The following PPARGC1B variants were observed in gnomAD, a reference collection of about 807,000 sequenced individuals.
PPARGC1B encodes the protein PPARG coactivator 1 beta.
Under a neutral mutation model 101.6 loss-of-function variants are expected in PPARGC1B, and 34 were observed. That is an observed-to-expected ratio of 0.33 (90% CI 0.25 to 0.45). The LOEUF is 0.45. PPARGC1B is among the 20% of genes least tolerant of loss of function. The pLI, the probability that PPARGC1B is intolerant of heterozygous loss-of-function variation, is 1.00. For synonymous variants in PPARGC1B, 548 were observed against 539.3 expected (o/e 1.02, Z -0.22); for missense variants, 1,234 against 1,317.6 (o/e 0.94, Z 0.98).
At chr5:149,805,516 T>G (rs996168778) in intron 1 of PPARGC1B, among the ~76,000 whole-genome samples, 1 of 152,180 alleles carries the variant, frequency 6.6e-6, no homozygotes, top group Non-Finnish European at 1.5e-5. Context: ...CTCGGCTCAC[T>G]GCAACCTCTG....
intron 11 of PPARGC1B, 140 bp from the exon 12 acceptor site, chr5:149,847,318 C>T (rs764176043): frequency 3.1e-5 from 24 of 781,188 alleles, no homozygotes; most frequent in South Asian, 1.8e-4. Context: ...CACAGTCCAG[C>T]GCTCATCCCA....
At position 149,823,910 on chromosome 5, in the gene PPARGC1B, T is replaced by G. The variant is rs79906450; in HGVS notation, c.253-2763T>G. ...AAGTCAGTGTTGGCTCTCTAAGTCC[T>G]GGGTTCTAGTCCTTAGTCCTACCCC... On this transcript the variant is annotated intron_variant, in intron 2 of 11. Transcript: ENST00000309241. Among the ~76,000 whole-genome samples, 1,330 of 152,332 alleles carry G rather than the reference T, an allele frequency of 8.7e-3. 18 individuals carry two copies. The highest frequency in any genetic ancestry group is 0.03 in the African/African-American group (1,237 of 41,556).
chr5:149,827,895 T>C (rs1206091800), intron 3 of PPARGC1B, among the ~76,000 whole-genome samples: 1 of 152,208 alleles, frequency 6.6e-6, no homozygotes, highest in East Asian at 1.9e-4. Context: ...CTAGCTTTGC[T>C]CAGCCTGTCT....
chr5:149,744,308 A>G (rs978665223), intron 1 of PPARGC1B, among the ~76,000 whole-genome samples: 2 of 152,230 alleles, frequency 1.3e-5, no homozygotes, highest in African/African-American at 4.8e-5. Flanking sequence ...GAGAAGCAGC[A>G]CATTGGTTCT....
intron 1 of PPARGC1B, among the ~76,000 whole-genome samples, chr5:149,749,119 C>G (rs1016805428): frequency 6.6e-6 from 1 of 152,104 alleles, no homozygotes; most frequent in Non-Finnish European, 1.5e-5. Flanking sequence ...CTCAATACAG[C>G]AGGAATCGGT....
intron 1 of PPARGC1B, among the ~76,000 whole-genome samples, chr5:149,789,780 C>A (rs1286320416): frequency 6.6e-6 from 1 of 152,222 alleles, no homozygotes; most frequent in Non-Finnish European, 1.5e-5. Context: ...GTGCCATGCA[C>A]CTGAAAGGGA....
At chr5:149,830,929 G>T in intron 4 of PPARGC1B, 46 bp downstream of exon 4, 1 of 1,348,956 alleles carries the variant, frequency 7.4e-7, no homozygotes, top group South Asian at 1.2e-5. Flanking sequence ...GTCTGTTGGG[G>T]CTGCAGCCTT....
chr5:149,847,169 A>G (rs879205396), intron 11 of PPARGC1B: 3 of 523,382 alleles, frequency 5.7e-6, no homozygotes, highest in Non-Finnish European at 1.1e-5. Context: ...TGTTGGGGGA[A>G]GTAGAGTTGT....
chr5:149,836,501 G>T lies in PPARGC1B; in HGVS notation c.2046G>T (p.Lys682Asn), dbSNP rs777376556. 2 of 1,614,102 alleles carry T rather than the reference G, an allele frequency of 1.2e-6. No homozygotes were observed. The highest frequency in any genetic ancestry group is 1.7e-6 in the Non-Finnish European group (2 of 1,180,046). ...TAQPASQAGQ[K>N]RPFSCSFGDH... ...AGCCAGCCTCCCAGGCTGGCCAGAA[G>T]CGTCCCTTCTCCTGTTCCTTTGGAG... Residue 682 changes from lysine to asparagine, a missense_variant, in exon 8 of 12, where the codon AAG becomes AAT. Lys to Asn is a moderately conservative substitution (Grantham distance 94). This residue lies in a region of PPARGC1B where 497 missense variants were observed against 529.5 expected (regional missense o/e 0.94). Transcript: ENST00000309241.
chr5:149,805,227 C>A (rs988126100), intron 1 of PPARGC1B, among the ~76,000 whole-genome samples: 8 of 152,292 alleles, frequency 5.3e-5, no homozygotes, highest in African/African-American at 1.9e-4. Context: ...TGCTCAGACA[C>A]CCTGAGTGGT....
intron 1 of PPARGC1B, among the ~76,000 whole-genome samples, chr5:149,803,340 G>C (rs1279581081): frequency 6.6e-6 from 1 of 152,086 alleles, no homozygotes; most frequent in Non-Finnish European, 1.5e-5. Context: ...TTCCCTCTCT[G>C]AACCTCAGCT....
intron 1 of PPARGC1B, among the ~76,000 whole-genome samples, chr5:149,745,796 C>A (rs567234636): frequency 1.5e-4 from 23 of 152,232 alleles, no homozygotes; most frequent in African/African-American, 5.5e-4. Context: ...TTCAAATATT[C>A]GTCTTGGTCC....
At chr5:149,802,698 G>T (rs1055905961) in intron 1 of PPARGC1B, among the ~76,000 whole-genome samples, 1 of 151,604 alleles carries the variant, frequency 6.6e-6, no homozygotes, top group Non-Finnish European at 1.5e-5. Context: ...GGCAGCTGGG[G>T]CTGGGAGGAC....
chr5:149,750,347 C>T (rs1755240568), intron 1 of PPARGC1B, among the ~76,000 whole-genome samples: 1 of 151,234 alleles, frequency 6.6e-6, no homozygotes, highest in Non-Finnish European at 1.5e-5. Context: ...ATGATATCTA[C>T]AATAATTTCT....
chr5:149,802,109 C>T (rs1218941530), intron 1 of PPARGC1B, among the ~76,000 whole-genome samples: 1 of 152,200 alleles, frequency 6.6e-6, no homozygotes, highest in Non-Finnish European at 1.5e-5. Flanking sequence ...TTCTCCAGTT[C>T]ACTTTGACCC....
At position 149,849,564 on chromosome 5, in the gene PPARGC1B, T is replaced by A. The variant is rs1030213943; in HGVS notation, c.*2006T>A. 2.0e-5 allele frequency: 3 copies of A among 152,250 alleles called. No homozygotes were observed. 9.4% of individuals were successfully genotyped at this position (152,250 alleles called of 1,614,324 possible). ...GAGCCTGGATGTGCTATAAGAATCC[T>A]GAAATCAGTGCTCTGGTAAGTCATT... On this transcript the variant is annotated 3_prime_UTR_variant, in exon 12 of 12. Coordinates refer to ENST00000309241, the MANE Select transcript of PPARGC1B (RefSeq NM_133263.4).
At chr5:149,777,003 G>A (rs990835246) in intron 1 of PPARGC1B, among the ~76,000 whole-genome samples, 1 of 152,174 alleles carries the variant, frequency 6.6e-6, no homozygotes, top group Admixed American at 6.5e-5. Context: ...TCATGTCCTT[G>A]TGGGGAGCCC....
intron 1 of PPARGC1B, among the ~76,000 whole-genome samples, chr5:149,734,196 C>T (rs896254892): frequency 2.0e-5 from 3 of 148,506 alleles, no homozygotes; most frequent in African/African-American, 7.9e-5. Flanking sequence ...GTGACACACA[C>T]CTGTAATCCC....
chr5:149,788,535 A>G (rs772899071), intron 1 of PPARGC1B, among the ~76,000 whole-genome samples: 1 of 152,272 alleles, frequency 6.6e-6, no homozygotes, highest in Non-Finnish European at 1.5e-5. Flanking sequence ...TTAAGGATCT[A>G]GAACTAGAAA....
Sources: gnomAD v4.1 joint callset for allele counts (sites outside exome capture counted in the v4.1 genomes callset) on GRCh38, gnomAD v4.1.1 for gene constraint, gnomAD v4.1.1 regional missense constraint, MANE v1.5 for transcripts, NCBI Gene and HGNC (gene_info 2026-07-23, HGNC 2026-07-21) for gene names.